The following KATNAL1 variants were observed in gnomAD, a reference collection of about 807,000 sequenced individuals.
KATNAL1 encodes katanin catalytic subunit A1 like 1.
In KATNAL1, 32 loss-of-function variants were observed where a neutral mutation model predicts 55.2. The observed-to-expected ratio is 0.58, with a 90% CI of 0.44 to 0.78. The LOEUF (loss-of-function observed/expected upper bound fraction) is 0.78, where lower values mean the gene tolerates loss of function less well. Ranked by LOEUF, KATNAL1 falls within the 30% of genes least tolerant of loss-of-function variation. KATNAL1 has a pLI of 0.00. For missense variants in KATNAL1, 466 were observed against 600.9 expected (o/e 0.78, Z 2.35); for synonymous variants, 193 against 193.6 (o/e 1.00, Z 0.02).
intron 4 of KATNAL1, among the ~76,000 whole-genome samples, chr13:30,251,916 G>T (rs1248554291): frequency 6.6e-6 from 1 of 152,166 alleles, no homozygotes; most frequent in African/African-American, 2.4e-5. Context: ...ACTATGCAAA[G>T]TGATTGTTAC....
chr13:30,227,749 A>AT (rs71093032), intron 8 of KATNAL1, among the ~76,000 whole-genome samples: 301 of 148,920 alleles, frequency 2.0e-3, no homozygotes, highest in African/African-American at 7.0e-3. Flanking sequence ...CTAGTGTGGG[A>AT]TTTTTTTTTT....
intron 3 of KATNAL1, among the ~76,000 whole-genome samples, chr13:30,263,000 A>C (rs1476149391): frequency 6.6e-6 from 1 of 152,218 alleles, no homozygotes; most frequent in Non-Finnish European, 1.5e-5. Context: ...ATCCAGCAGT[A>C]CATCTAAAAG....
intron 2 of KATNAL1, among the ~76,000 whole-genome samples, chr13:30,280,485 G>A (rs940555456): frequency 6.6e-6 from 1 of 152,078 alleles, no homozygotes; most frequent in Non-Finnish European, 1.5e-5. Flanking sequence ...CAAAGAACGT[G>A]ATGATCATTA....
Position 30,208,474 on chromosome 13 carries a change from A to G in KATNAL1, c.*66T>C. 7.3e-7 allele frequency: 1 copy of G among 1,373,770 alleles called. No individual in the cohort carries two copies. Among genetic ancestry groups the G allele is most frequent in the Non-Finnish European group, 9.7e-7 (1 of 1,033,098 alleles). 85.1% of individuals were successfully genotyped at this position (1,373,770 alleles called of 1,614,324 possible). A position where few individuals can be genotyped will look rare whatever the true frequency, so the allele number is the denominator to read the frequency against. On this transcript the variant is annotated 3_prime_UTR_variant, in exon 11 of 11. Coordinates refer to ENST00000380615, the MANE Select transcript of KATNAL1 (RefSeq NM_032116.5). ...AAAAAAATTCCAAACTTGTTTTTTAAAAATTGCAGGAATTTCTTCGTATTT... is the reference window on the plus strand; with the variant it reads ...AAAAAAATTCCAAACTTGTTTTTTAGAAATTGCAGGAATTTCTTCGTATTT...
chr13:30,218,144 A>G (rs998623912), intron 9 of KATNAL1, among the ~76,000 whole-genome samples: 3 of 151,762 alleles, frequency 2.0e-5, no homozygotes, highest in Non-Finnish European at 4.4e-5. Context: ...ATACAATAAA[A>G]TACTGATAGA....
At chr13:30,280,972 G>A (rs1010501558) in intron 2 of KATNAL1, among the ~76,000 whole-genome samples, 1 of 151,808 alleles carries the variant, frequency 6.6e-6, no homozygotes, top group Admixed American at 6.6e-5. Flanking sequence ...AATTAGTCCA[G>A]GCATGACAGC....
In KATNAL1 at chr13:30,203,403, G is replaced by C. The variant is rs370839918; in HGVS notation, c.*5137C>G. ...AGCCTGGTTAACTGAGGTAGACTCTGGGAATTACACGTGCAAAGAGTCAGG... is the reference window on the plus strand; with the variant it reads ...AGCCTGGTTAACTGAGGTAGACTCTCGGAATTACACGTGCAAAGAGTCAGG... On this transcript the variant is annotated 3_prime_UTR_variant, in exon 11 of 11. Coordinates refer to ENST00000380615, the MANE Select transcript of KATNAL1 (RefSeq NM_032116.5). 6.6e-6 allele frequency: 1 copy of C among 152,184 alleles called. No homozygotes were observed. The highest frequency in any genetic ancestry group is 2.1e-4 in the South Asian group (1 of 4,834). 9.4% of individuals were successfully genotyped at this position (152,184 alleles called of 1,614,324 possible).
chr13:30,225,079 T>C (rs1359421871), intron 9 of KATNAL1, among the ~76,000 whole-genome samples: 1 of 152,222 alleles, frequency 6.6e-6, no homozygotes, highest in African/African-American at 2.4e-5. Flanking sequence ...CTTCACCTTT[T>C]TTGACTTTTG....
At chr13:30,296,419 G>A in intron 1 of KATNAL1, 1 of 909,918 alleles carries the variant, frequency 1.1e-6, no homozygotes, top group Non-Finnish European at 1.8e-6. Flanking sequence ...ACATCCCCCG[G>A]AAGGAGGGAG....
chr13:30,290,830 C>A (rs1388414714), intron 1 of KATNAL1, among the ~76,000 whole-genome samples: 5 of 152,080 alleles, frequency 3.3e-5, no homozygotes, highest in Admixed American at 2.0e-4. Context: ...CCAATCAATA[C>A]AATTTTAAGA....
At chr13:30,221,910 G>A (rs2137370494) in intron 9 of KATNAL1, among the ~76,000 whole-genome samples, 1 of 152,254 alleles carries the variant, frequency 6.6e-6, no homozygotes, top group South Asian at 2.1e-4. Context: ...AATTAGCCAG[G>A]TGCAGTGGCA....
intron 1 of KATNAL1, among the ~76,000 whole-genome samples, chr13:30,286,987 G>A (rs944281784): frequency 1.3e-4 from 20 of 152,128 alleles, no homozygotes; most frequent in African/African-American, 4.3e-4. Flanking sequence ...TCTCCCATTT[G>A]GAACAGGTAT....
chr13:30,245,136 A>C (rs999961347), intron 4 of KATNAL1, among the ~76,000 whole-genome samples: 1 of 152,202 alleles, frequency 6.6e-6, no homozygotes, highest in Admixed American at 6.5e-5. Context: ...CCCGATGAAC[A>C]TCAAAGCAAA....
chr13:30,250,385 T>C (rs1878186423), intron 4 of KATNAL1, among the ~76,000 whole-genome samples: 1 of 152,252 alleles, frequency 6.6e-6, no homozygotes, highest in Non-Finnish European at 1.5e-5. Context: ...GTTTTTATTG[T>C]TTCATTATCA....
chr13:30,263,316 G>A (rs1002986811), intron 3 of KATNAL1, among the ~76,000 whole-genome samples: 25 of 152,058 alleles, frequency 1.6e-4, no homozygotes, highest in African/African-American at 5.6e-4. Flanking sequence ...GCACAAGACA[G>A]GGATGCCCTC....
At chr13:30,278,837 AC>A (rs1881057603) in intron 3 of KATNAL1, among the ~76,000 whole-genome samples, 1 of 152,226 alleles carries the variant, frequency 6.6e-6, no homozygotes, top group Admixed American at 6.5e-5. Context: ...GACTCTTAAA[AC>A]ACTGCCTTTT....
intron 5 of KATNAL1, 116 bp downstream of exon 5, chr13:30,240,843 T>C: frequency 1.1e-6 from 1 of 935,962 alleles, no homozygotes; most frequent in South Asian, 1.7e-5. Flanking sequence ...TATACTTTCA[T>C]ATTATAGATG....
At chr13:30,224,432 G>A (rs1190611828) in intron 9 of KATNAL1, among the ~76,000 whole-genome samples, 2 of 151,884 alleles carry the variant, frequency 1.3e-5, no homozygotes, top group African/African-American at 4.8e-5. Flanking sequence ...TACTCAAGAG[G>A]CTGAGGTGGG....
chr13:30,238,082 G>A (rs1471340444), intron 6 of KATNAL1, among the ~76,000 whole-genome samples: 1 of 152,048 alleles, frequency 6.6e-6, no homozygotes, highest in African/African-American at 2.4e-5. Context: ...ATTGCAACCA[G>A]GTTGTTTTTC....
Sources: allele counts gnomAD v4.1 joint callset (sites outside exome capture counted in the v4.1 genomes callset), GRCh38; gene constraint gnomAD v4.1.1; transcripts MANE v1.5; gene names NCBI Gene and HGNC (gene_info 2026-07-23, HGNC 2026-07-21).